CSMD2: variants seen among roughly 807,000 people sequenced by gnomAD.
The protein encoded by CSMD2 is CUB and sushi domain-containing protein 2.
A neutral mutation model predicts 398.5 loss-of-function variants in CSMD2; 130 were observed. That is an observed-to-expected ratio of 0.33 (90% CI 0.28 to 0.38). The LOEUF is 0.38. Among genes scored for constraint, CSMD2 ranks in the 10% least tolerant of loss-of-function variants. The pLI is 1.00. For missense variants in CSMD2, 3,829 were observed against 4,764.9 expected (o/e 0.80, Z 5.78); for synonymous variants, 1,828 against 1,908.5 (o/e 0.96, Z 1.10).
intron 5 of CSMD2, among the ~76,000 whole-genome samples, chr1:33,848,868 G>GAT (rs1312732096): frequency 6.7e-6 from 1 of 149,692 alleles, no homozygotes; most frequent in Non-Finnish European, 1.5e-5. Flanking sequence ...AAAGCTTGGA[G>GAT]GCTATTTATA....
intron 3 of CSMD2, among the ~76,000 whole-genome samples, chr1:33,946,458 G>A (rs994677776): frequency 1.3e-5 from 2 of 152,168 alleles, no homozygotes; most frequent in African/African-American, 4.8e-5. Flanking sequence ...TTGTTCTGGG[G>A]GCAGGATTGG....
rs559152107 is a variant in CSMD2 at position 34,082,422 on chromosome 1, G to A, written c.404+6555C>T. Among the ~76,000 whole-genome samples the A allele has an allele frequency of 9.7e-3, 1,462 of 151,004 alleles. 26 individuals are homozygous for A. Among genetic ancestry groups the A allele is most frequent in the African/African-American group, 0.033 (1,364 of 41,100 alleles). On this transcript the variant is annotated intron_variant, in intron 2 of 70. Transcript: ENST00000373381. ...CCGCCCCGTCTGGGAGGTGGGGGGC[G>A]CCCCCGCCTGGCAGCCGCCCCATCT... is the stretch of plus-strand genomic sequence containing the variant.
chr1:33,787,921 C>A (rs78646637), intron 12 of CSMD2, among the ~76,000 whole-genome samples: 1 of 152,132 alleles, frequency 6.6e-6, no homozygotes, highest in East Asian at 1.9e-4. Flanking sequence ...GTTCCTAGCC[C>A]TATGCACAGA....
chr1:34,035,683 A>T (rs1651026372), intron 2 of CSMD2, among the ~76,000 whole-genome samples: 1 of 151,836 alleles, frequency 6.6e-6, no homozygotes, highest in Non-Finnish European at 1.5e-5. Flanking sequence ...GAAAAAAAAA[A>T]ATTCAGAAAC....
upstream of CSMD2, chr1:34,165,601 C>A (rs1015677425): frequency 1.8e-5 from 4 of 224,822 alleles, no homozygotes; most frequent in African/African-American, 3.2e-5. Flanking sequence ...CACACACAAA[C>A]ACACACACAC....
chr1:33,892,235 A>G (rs1642074186), intron 5 of CSMD2, among the ~76,000 whole-genome samples: 1 of 152,036 alleles, frequency 6.6e-6, no homozygotes, highest in Non-Finnish European at 1.5e-5. Flanking sequence ...ACACCATGTC[A>G]GACATATTTA....
chr1:34,007,795 G>A (rs1558238039), intron 3 of CSMD2, among the ~76,000 whole-genome samples: 2 of 152,102 alleles, frequency 1.3e-5, no homozygotes, highest in Admixed American at 6.5e-5. Context: ...ATATATGCCT[G>A]GAAGAATAAA....
intron 13 of CSMD2, among the ~76,000 whole-genome samples, chr1:33,751,273 A>C (rs1648202784): frequency 6.6e-6 from 1 of 152,152 alleles, no homozygotes; most frequent in African/African-American, 2.4e-5. Flanking sequence ...ACAGGGACCA[A>C]GCAGTCAAGA....
chr1:33,809,281 A>AAAATC (rs55649505), intron 10 of CSMD2, among the ~76,000 whole-genome samples: 119,164 of 151,342 alleles, frequency 0.79, 47,755 homozygotes, highest in East Asian at 0.96. Flanking sequence ...ATTACTAAAC[A>AAAATC]ATATATAGGC....
At chr1:34,143,289 T>C (rs1164068729) in intron 1 of CSMD2, among the ~76,000 whole-genome samples, 1 of 152,052 alleles carries the variant, frequency 6.6e-6, no homozygotes, top group Non-Finnish European at 1.5e-5. Context: ...CCATTAACAA[T>C]AATAGCTTTA....
intron 3 of CSMD2, among the ~76,000 whole-genome samples, chr1:33,937,282 TG>T (rs1176623448): frequency 6.6e-6 from 1 of 152,072 alleles, no homozygotes; most frequent in Non-Finnish European, 1.5e-5. Flanking sequence ...CAAACCCAGC[TG>T]GGGGAGAGGT....
intron 2 of CSMD2, among the ~76,000 whole-genome samples, chr1:34,037,313 G>A (rs571668464): frequency 8.2e-4 from 124 of 152,024 alleles, no homozygotes; most frequent in African/African-American, 2.9e-3. Context: ...CGCCCCCACC[G>A]GCGGCACTGA....
At chr1:33,939,881 T>C (rs1408321050) in intron 3 of CSMD2, among the ~76,000 whole-genome samples, 1 of 152,182 alleles carries the variant, frequency 6.6e-6, no homozygotes, top group East Asian at 1.9e-4. Context: ...TGCGCAATCT[T>C]GAGCTGTAAA....
intron 2 of CSMD2, among the ~76,000 whole-genome samples, chr1:34,067,325 CA>C (rs1187230983): frequency 6.6e-6 from 1 of 152,162 alleles, no homozygotes; most frequent in Admixed American, 6.5e-5. Flanking sequence ...TAAACATGTA[CA>C]AAAGATGTAA....
chr1:34,002,807 C>T (rs998897026), intron 3 of CSMD2, among the ~76,000 whole-genome samples: 1 of 152,052 alleles, frequency 6.6e-6, no homozygotes, highest in South Asian at 2.1e-4. Flanking sequence ...CATAAATATA[C>T]TCTTGCTACA....
intron 8 of CSMD2, among the ~76,000 whole-genome samples, 169 bp downstream of exon 8, chr1:33,820,300 A>G (rs1657960717): frequency 6.6e-6 from 1 of 152,110 alleles, no homozygotes; most frequent in Admixed American, 6.5e-5. Context: ...TATGCCAAGG[A>G]CTGAACCAGG....
At chr1:33,909,226 C>A (rs534730085) in intron 5 of CSMD2, among the ~76,000 whole-genome samples, 2 of 152,110 alleles carry the variant, frequency 1.3e-5, no homozygotes, top group Admixed American at 1.3e-4. Flanking sequence ...CCTCCATGTA[C>A]GAAGTTCAGG....
chr1:34,042,836 G>A (rs1047104150), intron 2 of CSMD2, among the ~76,000 whole-genome samples: 8 of 152,260 alleles, frequency 5.3e-5, no homozygotes, highest in Middle Eastern at 6.8e-3. Flanking sequence ...GGCCCAGGCT[G>A]GAGTGCAGTG....
chr1:33,725,719 CCCT>C (rs1646508271), intron 16 of CSMD2, among the ~76,000 whole-genome samples, 183 bp from the exon 17 acceptor site: 1 of 152,132 alleles, frequency 6.6e-6, no homozygotes, highest in Non-Finnish European at 1.5e-5. Context: ...TATTTAACAT[CCCT>C]CCTCCTCCTT....
Sources: gnomAD v4.1 joint callset for allele counts (sites outside exome capture counted in the v4.1 genomes callset) on GRCh38, gnomAD v4.1.1 for gene constraint, MANE v1.5 for transcripts, NCBI Gene and HGNC (gene_info 2026-07-23, HGNC 2026-07-21) for gene names.